The following ARHGEF10 variants were observed in gnomAD, a reference collection of about 807,000 sequenced individuals.
ARHGEF10 encodes Rho guanine nucleotide exchange factor (GEF) 10.
Under a neutral mutation model 147.4 loss-of-function variants are expected in ARHGEF10, and 140 were observed. The ratio of observed to expected loss-of-function variants is 0.95; its 90% CI spans 0.83 to 1.09. The LOEUF (loss-of-function observed/expected upper bound fraction) is 1.09. Ranked by LOEUF, ARHGEF10 falls within the 50% of genes least tolerant of loss-of-function variation. The pLI, the probability that ARHGEF10 is intolerant of heterozygous loss-of-function variation, is 0.00. For missense variants in ARHGEF10, 2,222 were observed against 1,752.7 expected, an observed-to-expected ratio of 1.27 and a Z score of -4.78; for synonymous variants, 902 against 695.8, an observed-to-expected ratio of 1.30 and a Z score of -4.67.
At chr8:1,879,342 C>T (rs976795958) in intron 8 of ARHGEF10, among the ~76,000 whole-genome samples, 11 of 152,122 alleles carry the variant, frequency 7.2e-5, no homozygotes, top group Non-Finnish European at 1.2e-4. Flanking sequence ...AGTTTAAATA[C>T]AAGTATCTTT....
intron 9 of ARHGEF10, among the ~76,000 whole-genome samples, chr8:1,882,423 T>C (rs993080538): frequency 1.3e-5 from 2 of 152,212 alleles, no homozygotes; most frequent in Non-Finnish European, 2.9e-5. Context: ...GGGAACATGT[T>C]TCACCATGTC....
chr8:1,849,075 C>T (rs1278541408), intron 2 of ARHGEF10, among the ~76,000 whole-genome samples: 5 of 152,162 alleles, frequency 3.3e-5, no homozygotes, highest in Non-Finnish European at 7.3e-5. Context: ...CCCTAGACAC[C>T]GCTCCCCACC....
Position 1,889,251 on chromosome 8 carries a change from TGAGAGGTGTGAGGAGAC to T in ARHGEF10, c.1182+3545_1182+3561del, listed in dbSNP as rs1809161657. On this transcript the variant is annotated intron_variant, in intron 11 of 28. Transcript: ENST00000349830. ...GGTTGTGAGGAGACATTGAGTGGGA[TGAGAGGTGTGAGGAGAC>T]ACTGAATGTGGTGAGGGTTTGTGAG... Among the ~76,000 whole-genome samples the T allele has an allele frequency of 9.3e-5, 4 of 42,886 alleles. 1 individual carries two copies. Among genetic ancestry groups the T allele is most frequent in the African/African-American group, 5.5e-4 (3 of 5,458 alleles). The allele number at this position is 42,886 out of a possible 152,430, so 28.1% of individuals were successfully genotyped here. A position where few individuals can be genotyped will look rare whatever the true frequency, so the allele number is the denominator to read the frequency against.
intron 18 of ARHGEF10, among the ~76,000 whole-genome samples, chr8:1,920,134 G>GGGTGATGAGCTGTTCTGTCAGTGA (rs1812164261): frequency 2.9e-4 from 44 of 150,590 alleles, no homozygotes; most frequent in East Asian, 7.8e-4. Flanking sequence ...GCTGTTCTGT[G>GGGTGATGAGCTGTTCTGTCAGTGA]TGCCCTGGAG....
At chr8:1,855,786 A>G (rs1239490446) in intron 2 of ARHGEF10, among the ~76,000 whole-genome samples, 1 of 152,100 alleles carries the variant, frequency 6.6e-6, no homozygotes, top group African/African-American at 2.4e-5. Flanking sequence ...TTTCTCCCCA[A>G]ACGTGAATTC....
intron 4 of ARHGEF10, among the ~76,000 whole-genome samples, chr8:1,861,362 C>T (rs1806116519): frequency 6.6e-6 from 1 of 152,226 alleles, no homozygotes; most frequent in South Asian, 2.1e-4. Flanking sequence ...CCTGCCGGCC[C>T]TGCTGTAGGG....
At chr8:1,838,792 G>T (rs1330034603) in intron 1 of ARHGEF10, among the ~76,000 whole-genome samples, 2 of 152,252 alleles carry the variant, frequency 1.3e-5, no homozygotes, top group East Asian at 3.8e-4. Context: ...GGGACATCCA[G>T]CTTGGAAGCT....
chr8:1,911,497 A>C (rs534728559), intron 18 of ARHGEF10, among the ~76,000 whole-genome samples: 93 of 152,350 alleles, frequency 6.1e-4, no homozygotes, highest in African/African-American at 2.2e-3. Flanking sequence ...ATGTGTCTGA[A>C]GATAGAACTC....
chr8:1,918,683 T>C (rs1811949312), intron 18 of ARHGEF10, among the ~76,000 whole-genome samples: 1 of 152,242 alleles, frequency 6.6e-6, no homozygotes, highest in Non-Finnish European at 1.5e-5. Flanking sequence ...CTACTCTTAG[T>C]GATTTTCAAG....
chr8:1,832,823 G>C lies in ARHGEF10; in HGVS notation c.-48+8710G>C, dbSNP rs867062648. Among the ~76,000 whole-genome samples the C allele has an allele frequency of 8.0e-3, 559 of 69,924 alleles. 25 individuals carry two copies. Among genetic ancestry groups the C allele is most frequent in the Non-Finnish European group, 0.01 (361 of 35,784 alleles). The allele number at this position is 69,924 out of a possible 152,430, so 45.9% of individuals were successfully genotyped here. A position where few individuals can be genotyped will look rare whatever the true frequency, so the allele number is the denominator to read the frequency against. On this transcript the variant is annotated intron_variant, in intron 1 of 28. Transcript: ENST00000349830. ...GCAGAGGCAGAGACAGAGGCAGAGA[G>C]AGAGGCAGAGGCAGAGACAGAGGCA... is the stretch of plus-strand genomic sequence containing the variant.
intron 9 of ARHGEF10, 28 bp downstream of exon 9, chr8:1,880,192 C>A: frequency 6.5e-7 from 1 of 1,527,458 alleles, no homozygotes; most frequent in Non-Finnish European, 9.1e-7. Context: ...GCCGCTGCCC[C>A]CACTTGCCAG....
chr8:1,936,131 TC>T (rs1239292920), intron 26 of ARHGEF10, among the ~76,000 whole-genome samples: 3 of 152,220 alleles, frequency 2.0e-5, no homozygotes, highest in Non-Finnish European at 2.9e-5. Flanking sequence ...TACTGTCTGT[TC>T]TTGGCCATCT....
Position 1,905,641 on chromosome 8 carries a change from G to A in ARHGEF10, c.1892G>A (p.Gly631Glu), listed in dbSNP as rs774700408. The change falls in exon 17 of 29, where the codon GGA becomes GAA. Residue 631 changes from glycine (G) to glutamate (E), a missense_variant. Physicochemically the swap from Gly to Glu is moderately conservative, Grantham distance 98 (BLOSUM62 -2). Coordinates refer to ENST00000349830, the MANE Select transcript of ARHGEF10 (RefSeq NM_014629.4). ...ATAGAAACAGTTTACAACGACAGAG[G>A]AGAGATTGTTAAAACCAAAGAACGC... ...DMIETVYNDR[G>E]EIVKTKERRV... The A allele has an allele frequency of 6.2e-7, 1 of 1,614,226 alleles. No individual in the cohort carries two copies.
intron 11 of ARHGEF10, 24 bp downstream of exon 11, chr8:1,885,731 G>T (rs374464785): frequency 6.5e-7 from 1 of 1,537,926 alleles, no homozygotes; most frequent in Admixed American, 1.7e-5. Context: ...AGCTGACAGG[G>T]GCTGTTGACC....
At chr8:1,876,825 A>G (rs1481947611) in intron 8 of ARHGEF10, 91 bp downstream of exon 8, 9 of 1,415,804 alleles carry the variant, frequency 6.4e-6, no homozygotes, top group African/African-American at 4.2e-5. Context: ...CTAGTACTTC[A>G]TAGTGATTTG....
intron 2 of ARHGEF10, among the ~76,000 whole-genome samples, chr8:1,845,689 G>T (rs1227938016): frequency 2.6e-5 from 4 of 152,196 alleles, no homozygotes; most frequent in Non-Finnish European, 5.9e-5. Context: ...GTCCTGGCTA[G>T]TGCCTGGCAC....
intron 18 of ARHGEF10, among the ~76,000 whole-genome samples, chr8:1,918,474 G>GTA (rs1173773610): frequency 2.0e-5 from 3 of 151,034 alleles, no homozygotes; most frequent in Non-Finnish European, 4.4e-5. Context: ...GTGTGTGTGT[G>GTA]TGTGTGTGTG....
At chr8:1,876,826 T>A in intron 8 of ARHGEF10, 92 bp downstream of exon 8, 1 of 1,402,864 alleles carries the variant, frequency 7.1e-7, no homozygotes, top group Admixed American at 1.7e-5. Flanking sequence ...TAGTACTTCA[T>A]AGTGATTTGT....
At chr8:1,951,187 T>C (rs1396082774) in intron 27 of ARHGEF10, among the ~76,000 whole-genome samples, 1 of 152,244 alleles carries the variant, frequency 6.6e-6, no homozygotes, top group Non-Finnish European at 1.5e-5. Flanking sequence ...TCTAGAAAGA[T>C]CATCCACACT....
Sources: allele counts gnomAD v4.1 joint callset (sites outside exome capture counted in the v4.1 genomes callset), GRCh38; gene constraint gnomAD v4.1.1; transcripts MANE v1.5; gene names NCBI Gene and HGNC (gene_info 2026-07-23, HGNC 2026-07-21).